The following ADK variants were observed in gnomAD, a reference collection of about 807,000 sequenced individuals.
ADK encodes the protein N6,N6-dimethyladenosine kinase.
Under a neutral mutation model 44.7 loss-of-function variants are expected in ADK, and 24 were observed. The observed-to-expected ratio is 0.54, with a 90% CI of 0.39 to 0.76. The LOEUF is 0.76. ADK is among the 30% of genes least tolerant of loss of function. The pLI is 0.00. For synonymous variants in ADK, 128 were observed against 142.6 expected (o/e 0.90, Z 0.73); for missense variants, 321 against 425.1 (o/e 0.76, Z 2.15).
At chr10:74,170,205 G>A (rs1041276156) in intron 1 of ADK, among the ~76,000 whole-genome samples, 2 of 152,018 alleles carry the variant, frequency 1.3e-5, no homozygotes, top group Non-Finnish European at 2.9e-5. Context: ...AGCTGGGCTC[G>A]TCAAGGCTTT....
chr10:74,561,810 C>T (rs1432532267), intron 7 of ADK, among the ~76,000 whole-genome samples: 1 of 152,126 alleles, frequency 6.6e-6, no homozygotes, highest in African/African-American at 2.4e-5. Flanking sequence ...GGCTAGAAAC[C>T]CATGGGCATA....
intron 3 of ADK, among the ~76,000 whole-genome samples, chr10:74,303,186 G>A (rs1044632578): frequency 2.6e-5 from 4 of 152,104 alleles, no homozygotes; most frequent in African/African-American, 9.7e-5. Context: ...TTTTCAGTTA[G>A]CAGTTACAAA....
intron 7 of ADK, among the ~76,000 whole-genome samples, chr10:74,576,311 G>A (rs943092384): frequency 6.6e-6 from 1 of 151,978 alleles, no homozygotes; most frequent in African/African-American, 2.4e-5. Context: ...CAGTGGAGTT[G>A]GAAGATCCAA....
chr10:74,417,144 A>G (rs930266620), intron 6 of ADK, among the ~76,000 whole-genome samples: 4 of 152,044 alleles, frequency 2.6e-5, no homozygotes, highest in African/African-American at 9.7e-5. Context: ...TTCCTTTCTT[A>G]TATTAACTGA....
chr10:74,218,203 C>T (rs978764745), intron 2 of ADK, among the ~76,000 whole-genome samples: 10 of 152,016 alleles, frequency 6.6e-5, no homozygotes, highest in African/African-American at 2.2e-4. Context: ...AGCCAAGGCC[C>T]GAGAACTACG....
intron 3 of ADK, among the ~76,000 whole-genome samples, chr10:74,305,245 G>A (rs1840205103): frequency 1.3e-5 from 2 of 152,134 alleles, no homozygotes; most frequent in African/African-American, 4.8e-5. Flanking sequence ...CGGATATGGA[G>A]GGCCAGCCGT....
chr10:74,221,674 T>G (rs1209972219), intron 2 of ADK, among the ~76,000 whole-genome samples: 1 of 146,116 alleles, frequency 6.8e-6, no homozygotes, highest in Non-Finnish European at 1.5e-5. Flanking sequence ...AAAACAGAGA[T>G]ATAGATCAAT....
chr10:74,677,288 A>G (rs1169549411), intron 10 of ADK, among the ~76,000 whole-genome samples: 1 of 152,204 alleles, frequency 6.6e-6, no homozygotes, highest in Non-Finnish European at 1.5e-5. Context: ...TCATGTTTAG[A>G]AAAGAACATT....
chr10:74,155,620 C>G (rs1177416186), intron 1 of ADK, among the ~76,000 whole-genome samples: 1 of 152,158 alleles, frequency 6.6e-6, no homozygotes, highest in Non-Finnish European at 1.5e-5. Context: ...AGCTCCGCTT[C>G]CCGGGTTCAT....
At chr10:74,342,864 C>T (rs1311854881) in intron 4 of ADK, among the ~76,000 whole-genome samples, 1 of 151,446 alleles carries the variant, frequency 6.6e-6, no homozygotes, top group Non-Finnish European at 1.5e-5. Flanking sequence ...TTACTTAGCT[C>T]TAATATTTTT....
rs185194643 is a variant in ADK at position 74,613,130 on chromosome 10, A to G, written c.877+12637A>G. Reference sequence around the variant, plus strand: ...TCAGCTACCCTGCCTTCTTAAAAGCACCTTTCTTTCAATCTGATACAACCC... The same window carrying G: ...TCAGCTACCCTGCCTTCTTAAAAGCGCCTTTCTTTCAATCTGATACAACCC... On this transcript the variant is annotated intron_variant, in intron 9 of 10. Coordinates refer to ENST00000539909, the MANE Select transcript of ADK (RefSeq NM_006721.4). Among the ~76,000 whole-genome samples, 403 of 152,168 alleles carry G rather than the reference A, an allele frequency of 2.6e-3. 2 individuals carry two copies. The highest frequency in any genetic ancestry group is 4.6e-3 in the Non-Finnish European group (314 of 68,002).
At chr10:74,544,786 C>A (rs369039163) in intron 7 of ADK, among the ~76,000 whole-genome samples, 1 of 151,884 alleles carries the variant, frequency 6.6e-6, no homozygotes, top group African/African-American at 2.4e-5. Context: ...CACTTGAACC[C>A]GGGAGGTGGA....
At chr10:74,529,397 A>C (rs979776797) in intron 7 of ADK, 4 of 152,102 alleles carry the variant, frequency 2.6e-5, no homozygotes, top group Non-Finnish European at 5.9e-5. Context: ...ATAAGTACAG[A>C]GCTTCTGTTT....
chr10:74,550,824 A>G (rs1850008875), intron 7 of ADK, among the ~76,000 whole-genome samples: 1 of 152,168 alleles, frequency 6.6e-6, no homozygotes, highest in South Asian at 2.1e-4. Flanking sequence ...AGTTTATAAT[A>G]TCTATAATCA....
intron 6 of ADK, among the ~76,000 whole-genome samples, chr10:74,521,967 A>G (rs1177562061): frequency 1.3e-5 from 2 of 152,230 alleles, no homozygotes; most frequent in Non-Finnish European, 2.9e-5. Flanking sequence ...CACTAAACAT[A>G]CTAAAACATT....
At chr10:74,646,578 C>A (rs1854062006) in intron 9 of ADK, among the ~76,000 whole-genome samples, 1 of 152,170 alleles carries the variant, frequency 6.6e-6, no homozygotes, top group Admixed American at 6.5e-5. Context: ...ATACCACATG[C>A]TGAGGAAAGC....
At chr10:74,487,290 GT>G (rs1313473328) in intron 6 of ADK, among the ~76,000 whole-genome samples, 1 of 151,856 alleles carries the variant, frequency 6.6e-6, no homozygotes, top group East Asian at 1.9e-4. Flanking sequence ...TTAATCGTGT[GT>G]GGATTGGTGC....
intron 6 of ADK, among the ~76,000 whole-genome samples, chr10:74,410,143 A>G (rs1028913498): frequency 6.6e-6 from 1 of 152,060 alleles, no homozygotes; most frequent in Non-Finnish European, 1.5e-5. Context: ...AATAATTTCT[A>G]TTTTTTTAGG....
Position 74,247,184 on chromosome 10 carries a change from A to C in ADK, c.194+22593A>C, listed in dbSNP as rs191803506. Among the ~76,000 whole-genome samples, 6 of 131,956 alleles carry C rather than the reference A, an allele frequency of 4.5e-5. No individual in the cohort carries two copies. The East Asian group carries it at 1.3e-3, about 29-fold the overall frequency. The allele number at this position is 131,956 out of a possible 152,430, so 86.6% of individuals were successfully genotyped here. A position where few individuals can be genotyped will look rare whatever the true frequency, so the allele number is the denominator to read the frequency against. ...AGTTTTTGGCTTAGCTGATTCTTGG[A>C]TCACTGACATCTGGCTTTTTTTGAT... is the stretch of plus-strand genomic sequence containing the variant. On this transcript the variant is annotated intron_variant, in intron 3 of 10. Coordinates refer to ENST00000539909, the MANE Select transcript of ADK (RefSeq NM_006721.4).
Sources: allele counts gnomAD v4.1 joint callset (sites outside exome capture counted in the v4.1 genomes callset), GRCh38; gene constraint gnomAD v4.1.1; transcripts MANE v1.5; gene names NCBI Gene and HGNC (gene_info 2026-07-23, HGNC 2026-07-21).